The following SCGB2B2 variants were observed in gnomAD, a reference collection of about 807,000 sequenced individuals.
The protein encoded by SCGB2B2 is secretoglobin family 2B member 2, also known as secretoglobin-like protein.
In SCGB2B2, 11 loss-of-function variants were observed where a neutral mutation model predicts 7.6. That is an observed-to-expected ratio of 1.45 (90% CI 0.91 to 2.40). The LOEUF (loss-of-function observed/expected upper bound fraction) is 2.40, where lower values mean the gene tolerates loss of function less well. Among genes scored for constraint, SCGB2B2 ranks in the 30% most tolerant of loss-of-function variants. The pLI is 0.00. For synonymous variants in SCGB2B2, 50 were observed against 48.6 expected (o/e 1.03, Z -0.12); for missense variants, 104 against 115.4 (o/e 0.90, Z 0.45).
rs536924988 is a variant in SCGB2B2 at position 34,616,150 on chromosome 19, C to T, written c.-2031-19556G>A. Among the ~76,000 whole-genome samples, 441 of 149,170 alleles carry T rather than the reference C, an allele frequency of 3.0e-3. 1 individual carries two copies. Among genetic ancestry groups the T allele is most frequent in the African/African-American group, 0.01 (425 of 40,640 alleles). On this transcript the variant is annotated intron_variant, in intron 1 of 3. Coordinates refer to ENST00000601241, the MANE Select transcript of SCGB2B2 (RefSeq NM_001025591.4). ...TGTGAATAGTGCTGCAATAAACATA[C>T]GTGTGCATGTGTCTTTATAGCAGCA... is the stretch of plus-strand genomic sequence containing the variant.
chr19:34,623,651 G>T (rs1312833213), intron 1 of SCGB2B2, among the ~76,000 whole-genome samples: 2 of 152,190 alleles, frequency 1.3e-5, no homozygotes, highest in South Asian at 2.1e-4. Flanking sequence ...TACCCCAGGG[G>T]CCCAGGAGGG....
At position 34,592,358 on chromosome 19, in the gene SCGB2B2, G is replaced by A. The variant is rs1018647405; in HGVS notation, c.*1197C>T. On this transcript the variant is annotated 3_prime_UTR_variant, in exon 4 of 4. Transcript: ENST00000601241. ...CTCTCAAAGATCCAGGGAGAAAGAA[G>A]ATCCAGGCTGGTATTCCCATGGAAG... is the stretch of plus-strand genomic sequence containing the variant. Among the ~76,000 whole-genome samples the A allele has an allele frequency of 3.9e-5, 6 of 151,994 alleles. No individual in the cohort carries two copies. Among genetic ancestry groups the A allele is most frequent in the Admixed American group, 2.6e-4 (4 of 15,250 alleles).
chr19:34,598,726 T>G (rs2065532297), intron 1 of SCGB2B2, among the ~76,000 whole-genome samples: 1 of 151,408 alleles, frequency 6.6e-6, no homozygotes, highest in African/African-American at 2.4e-5. Context: ...TTGTGACAGG[T>G]CCGTGCCCTG....
Position 34,664,793 on chromosome 19 carries a change from G to C in SCGB2B2, c.-2032+10837C>G, listed in dbSNP as rs1358976316. Among the ~76,000 whole-genome samples the C allele has an allele frequency of 3.9e-5, 6 of 152,144 alleles. No individual in the cohort carries two copies. In the East Asian group the frequency reaches 9.7e-4, roughly 25 times the overall value. On this transcript the variant is annotated intron_variant, in intron 1 of 3. Transcript: ENST00000601241. ...CTGGCTCAGCCTTGCAGCTCCCGCT[G>C]ACCCCTCTGCCACTCACCCACCCAT...
intron 1 of SCGB2B2, among the ~76,000 whole-genome samples, chr19:34,610,492 C>G (rs1035714825): frequency 6.6e-6 from 1 of 152,038 alleles, no homozygotes; most frequent in Admixed American, 6.6e-5. Flanking sequence ...TTTCTATACC[C>G]GGTTTGTTAA....
chr19:34,644,358 TTTTG>T (rs1002411335), intron 1 of SCGB2B2, among the ~76,000 whole-genome samples: 6 of 101,634 alleles, frequency 5.9e-5, no homozygotes, highest in East Asian at 2.6e-4. Context: ...TTGTTTTTTT[TTTTG>T]TTTTTTTTTT....
chr19:34,636,535 C>T (rs1173419882), intron 1 of SCGB2B2, among the ~76,000 whole-genome samples: 4 of 152,182 alleles, frequency 2.6e-5, no homozygotes, highest in Non-Finnish European at 5.9e-5. Context: ...TGTTCAAGAA[C>T]TACTTAGGCT....
At chr19:34,651,848 T>TA (rs2067168550) in intron 1 of SCGB2B2, among the ~76,000 whole-genome samples, 1 of 151,218 alleles carries the variant, frequency 6.6e-6, no homozygotes, top group African/African-American at 2.5e-5. Context: ...AAAACAAAGC[T>TA]GAAAGCATGG....
intron 1 of SCGB2B2, among the ~76,000 whole-genome samples, chr19:34,610,959 C>T (rs2065910763): frequency 6.6e-6 from 1 of 151,866 alleles, no homozygotes; most frequent in Non-Finnish European, 1.5e-5. Context: ...TGGGTTTTTT[C>T]TTTGATGGGA....
chr19:34,667,891 G>A (rs1420416437), intron 1 of SCGB2B2, among the ~76,000 whole-genome samples: 1 of 152,158 alleles, frequency 6.6e-6, no homozygotes, highest in Non-Finnish European at 1.5e-5. Flanking sequence ...TGAGTGGCCA[G>A]GCCAGCAAGC....
At chr19:34,589,681 T>C (rs905265674), downstream of SCGB2B2, among the ~76,000 whole-genome samples, 2 of 152,038 alleles carry the variant, frequency 1.3e-5, no homozygotes, top group Non-Finnish European at 2.9e-5. Context: ...TGACCCTTTG[T>C]GCTGCAGCCT....
At chr19:34,663,823 T>C (rs776505501) in intron 1 of SCGB2B2, among the ~76,000 whole-genome samples, 13 of 149,590 alleles carry the variant, frequency 8.7e-5, no homozygotes, top group Non-Finnish European at 1.2e-4. Flanking sequence ...AAGATGGAGA[T>C]GCAGAGGGGA....
Position 34,658,813 on chromosome 19 carries a change from C to CA in SCGB2B2, c.-2032+16816dup, listed in dbSNP as rs138363297. Among the ~76,000 whole-genome samples the CA allele has an allele frequency of 8.1e-3, 825 of 101,992 alleles. 10 individuals are homozygous for CA. Among genetic ancestry groups the CA allele is most frequent in the African/African-American group, 0.034 (657 of 19,158 alleles). 66.9% of individuals were successfully genotyped at this position (101,992 alleles called of 152,430 possible). On this transcript the variant is annotated intron_variant, in intron 1 of 3. Coordinates refer to ENST00000601241, the MANE Select transcript of SCGB2B2 (RefSeq NM_001025591.4). ...GACACAACAACAACAACAACAACAACAAAAAAAAAAAAAAAAAAAAAAGAG... is the reference window on the plus strand; with the variant it reads ...GACACAACAACAACAACAACAACAACAAAAAAAAAAAAAAAAAAAAAAAGAG...
intron 1 of SCGB2B2, among the ~76,000 whole-genome samples, chr19:34,648,966 G>C (rs1003662471): frequency 6.6e-6 from 1 of 151,952 alleles, no homozygotes; most frequent in African/African-American, 2.4e-5. Flanking sequence ...GCAGTGGTGC[G>C]ATCTCAACTC....
intron 1 of SCGB2B2, among the ~76,000 whole-genome samples, chr19:34,670,958 C>G (rs2067788503): frequency 6.6e-6 from 1 of 152,184 alleles, no homozygotes; most frequent in South Asian, 2.1e-4. Flanking sequence ...GAGTCTTTCT[C>G]TGTCACCCAG....
Position 34,595,482 on chromosome 19 carries a change from T to C in SCGB2B2, c.-919A>G, listed in dbSNP as rs2065424715. The stretch of plus-strand genomic sequence containing the variant: ...CTTTAACTTGTTGGAGAGTAGCTAG[T>C]AGGAGCGGCCTTGACTGGGAGCCTG... On this transcript the variant is annotated 5_prime_UTR_variant, in exon 2 of 4. Coordinates refer to ENST00000601241, the MANE Select transcript of SCGB2B2 (RefSeq NM_001025591.4). 6.5e-6 allele frequency: 1 copy of C among 152,676 alleles called. No homozygotes were observed. The highest frequency in any genetic ancestry group is 2.1e-4 in the South Asian group (1 of 4,822). 9.5% of individuals were successfully genotyped at this position (152,676 alleles called of 1,614,324 possible).
intron 1 of SCGB2B2, among the ~76,000 whole-genome samples, chr19:34,626,332 C>T (rs1056894230): frequency 6.6e-6 from 1 of 152,014 alleles, no homozygotes; most frequent in South Asian, 2.1e-4. Flanking sequence ...GAAGTTCGAA[C>T]CCATGGCAAA....
At chr19:34,637,768 C>A (rs1012194936) in intron 1 of SCGB2B2, 1 of 151,910 alleles carries the variant, frequency 6.6e-6, no homozygotes, top group African/African-American at 2.4e-5. Flanking sequence ...TTGTCAAACC[C>A]GTAATTCTGG....
In SCGB2B2 at chr19:34,594,651, T is replaced by TGGTG; in HGVS notation, c.-89_-88insCACC. On this transcript the variant is annotated 5_prime_UTR_variant, in exon 2 of 4. It removes the in-frame stop codon of an upstream open reading frame in the 5' UTR. Transcript: ENST00000601241. ...ATATCTGAACAAGGCACATGCCTCTTCGTGTGTGTGTGTGTGTGTGTGTGT... is the reference window on the plus strand; with the variant it reads ...ATATCTGAACAAGGCACATGCCTCTTGGTGCGTGTGTGTGTGTGTGTGTGTGTGT... 1 of 791,638 alleles carries TGGTG rather than the reference T, an allele frequency of 1.3e-6. No individual in the cohort carries two copies. The allele number at this position is 791,638 out of a possible 1,614,324, so 49.0% of individuals were successfully genotyped here. A position where few individuals can be genotyped will look rare whatever the true frequency, so the allele number is the denominator to read the frequency against.
Sources: allele counts gnomAD v4.1 joint callset (sites outside exome capture counted in the v4.1 genomes callset), GRCh38; gene constraint gnomAD v4.1.1; transcripts MANE v1.5; gene names NCBI Gene and HGNC (gene_info 2026-07-23, HGNC 2026-07-21).